The following AFG2A variants were observed in gnomAD, a reference collection of about 807,000 sequenced individuals.
The protein encoded by AFG2A is ATPase family gene 2 protein homolog A.
the AFG2A span, among the ~76,000 whole-genome samples, chr4:122,994,306 T>A: frequency 1.3e-5 from 2 of 152,246 alleles, no homozygotes; most frequent in East Asian, 3.9e-4. Flanking sequence ...TGCAGAAACA[T>A]TTTGCTGCTT....
chr4:123,220,466 T>C, the AFG2A span, among the ~76,000 whole-genome samples: 2 of 150,812 alleles, frequency 1.3e-5, no homozygotes, highest in African/African-American at 4.9e-5. Context: ...AAAAAAAAAT[T>C]AGCTGGGTGT....
the AFG2A span, among the ~76,000 whole-genome samples, chr4:122,998,914 T>A: frequency 6.6e-6 from 1 of 152,284 alleles, no homozygotes; most frequent in South Asian, 2.1e-4. Context: ...TTGAACTGGT[T>A]TATAGTCCCA....
At chr4:123,074,217 C>A in the AFG2A span, among the ~76,000 whole-genome samples, 1 of 151,514 alleles carries the variant, frequency 6.6e-6, no homozygotes, top group African/African-American at 2.4e-5. Flanking sequence ...GCCTCTGCCT[C>A]CTGAATAGCT....
At chr4:123,084,711 C>G in the AFG2A span, among the ~76,000 whole-genome samples, 1 of 151,890 alleles carries the variant, frequency 6.6e-6, no homozygotes, top group African/African-American at 2.4e-5. Context: ...TCACTAAGGC[C>G]TCAACCTCCC....
At chr4:123,070,455 G>T in the AFG2A span, among the ~76,000 whole-genome samples, 1 of 152,094 alleles carries the variant, frequency 6.6e-6, no homozygotes, top group African/African-American at 2.4e-5. Flanking sequence ...AGTTCTGGAG[G>T]TTGTGAACTC....
the AFG2A span, among the ~76,000 whole-genome samples, chr4:122,939,737 C>T: frequency 6.6e-6 from 1 of 151,912 alleles, no homozygotes; most frequent in African/African-American, 2.4e-5. Flanking sequence ...CCCATTAACT[C>T]GTCGTTTAGC....
the AFG2A span, chr4:122,927,653 A>C: frequency 1.4e-5 from 23 of 1,610,470 alleles, no homozygotes; most frequent in African/African-American, 2.7e-4. Flanking sequence ...AAATTCCTAA[A>C]ACATTCCAGA....
chr4:123,015,547 A>G, the AFG2A span, among the ~76,000 whole-genome samples: 1 of 151,674 alleles, frequency 6.6e-6, no homozygotes, highest in Non-Finnish European at 1.5e-5. Context: ...AATTTTTCTT[A>G]GTACAGAACA....
At chr4:123,055,111 G>A in the AFG2A span, among the ~76,000 whole-genome samples, 1 of 152,108 alleles carries the variant, frequency 6.6e-6, no homozygotes, top group African/African-American at 2.4e-5. Flanking sequence ...TGCACCCTAT[G>A]ATTCACGTGT....
chr4:123,302,063 T>A, the AFG2A span, among the ~76,000 whole-genome samples: 1 of 152,168 alleles, frequency 6.6e-6, no homozygotes, highest in Non-Finnish European at 1.5e-5. Context: ...TAAAGAAGTC[T>A]GACAGATGAG....
chr4:123,014,896 T>G, the AFG2A span, among the ~76,000 whole-genome samples: 1 of 152,174 alleles, frequency 6.6e-6, no homozygotes, highest in East Asian at 1.9e-4. Flanking sequence ...CCAGTTTTGG[T>G]GTATAGTTTC....
chr4:123,074,498 G>A, the AFG2A span, among the ~76,000 whole-genome samples: 6 of 138,806 alleles, frequency 4.3e-5, no homozygotes, highest in Non-Finnish European at 7.7e-5. Context: ...CTAGTAACCA[G>A]TCTTCCATTT....
chr4:123,143,921 C>T, the AFG2A span, among the ~76,000 whole-genome samples: 1 of 151,078 alleles, frequency 6.6e-6, no homozygotes, highest in Non-Finnish European at 1.5e-5. Flanking sequence ...CAGGCCTCAC[C>T]AGCAACAGAC....
At chr4:122,954,769 A>G in the AFG2A span, among the ~76,000 whole-genome samples, 3 of 152,252 alleles carry the variant, frequency 2.0e-5, no homozygotes, top group East Asian at 5.8e-4. Context: ...AGCACAGTCA[A>G]GAATGGCCAG....
At chr4:122,956,294 G>GA in the AFG2A span, among the ~76,000 whole-genome samples, 7 of 152,268 alleles carry the variant, frequency 4.6e-5, no homozygotes, top group East Asian at 1.2e-3. Flanking sequence ...GTGAGAAAAG[G>GA]AAAACATTAT....
the AFG2A span, chr4:123,318,465 T>C: frequency 2.0e-5 from 3 of 152,342 alleles, no homozygotes; most frequent in African/African-American, 7.2e-5. Flanking sequence ...TGAAAAGGCA[T>C]GCAATTCTTC....
chr4:122,961,849 G>A, the AFG2A span, among the ~76,000 whole-genome samples: 4 of 152,282 alleles, frequency 2.6e-5, no homozygotes, highest in South Asian at 2.1e-4. Flanking sequence ...ATGTGAGTTC[G>A]CTGTAGGCGT....
At chr4:123,270,702 T>G in the AFG2A span, among the ~76,000 whole-genome samples, 236 of 152,358 alleles carry the variant, frequency 1.5e-3, no homozygotes, top group African/African-American at 5.4e-3. Flanking sequence ...TTTTATATCC[T>G]TACTTATAAT....
At chr4:123,250,220 A>G in the AFG2A span, among the ~76,000 whole-genome samples, 2 of 152,218 alleles carry the variant, frequency 1.3e-5, no homozygotes, top group Non-Finnish European at 2.9e-5. Flanking sequence ...CAGAATTTAT[A>G]AAAAAGAAAA....
Sources: allele counts gnomAD v4.1 joint callset (sites outside exome capture counted in the v4.1 genomes callset), GRCh38; gene constraint gnomAD v4.1.1; transcripts MANE v1.5; gene names NCBI Gene and HGNC (gene_info 2026-07-23, HGNC 2026-07-21).